SUPV3L1: variants seen among roughly 807,000 people sequenced by gnomAD.
SUPV3L1 encodes ATP-dependent RNA helicase SUPV3L1, mitochondrial.
A neutral mutation model predicts 70.0 loss-of-function variants in SUPV3L1; 35 were observed. The ratio of observed to expected loss-of-function variants is 0.50; its 90% confidence interval spans 0.38 to 0.66. The LOEUF (loss-of-function observed/expected upper bound fraction) is 0.66. Among genes scored for constraint, SUPV3L1 ranks in the 30% least tolerant of loss-of-function variants. The pLI, the probability that SUPV3L1 is intolerant of heterozygous loss-of-function variation, is 0.00. For missense variants in SUPV3L1, 777 were observed against 961.5 expected (o/e 0.81, Z 2.54); for synonymous variants, 364 against 341.9 (o/e 1.06, Z -0.71).
intron 5 of SUPV3L1, 129 bp from the exon 6 acceptor site, chr10:69,191,526 C>T (rs921704777): frequency 9.6e-6 from 7 of 730,472 alleles, no homozygotes; most frequent in South Asian, 5.1e-5. Context: ...CGTGTCTGGC[C>T]GTGGGAACAT....
chr10:69,205,241 G>A (rs7091695), intron 13 of SUPV3L1, among the ~76,000 whole-genome samples: 131,824 of 152,278 alleles, frequency 0.87, 57,343 homozygotes, highest in Non-Finnish European at 0.91. Flanking sequence ...GAACAGTCTT[G>A]AACTGCTGTA....
At chr10:69,197,460 GAC>G (rs748038043) in intron 8 of SUPV3L1, among the ~76,000 whole-genome samples, 13 of 152,222 alleles carry the variant, frequency 8.5e-5, no homozygotes, top group Non-Finnish European at 1.8e-4. Flanking sequence ...CTAATTGCCA[GAC>G]ACAGTTTATA....
chr10:69,202,489 T>C lies in SUPV3L1; in HGVS notation c.1569T>C (p.His523=). 1 of 1,613,612 alleles carries C rather than the reference T, an allele frequency of 6.2e-7. No homozygotes were observed. Among genetic ancestry groups the C allele is most frequent in the South Asian group, 1.1e-5 (1 of 91,010 alleles). Residue 523 remains histidine, a synonymous_variant, in exon 12 of 15, where the codon CAT becomes CAC. Coordinates refer to ENST00000359655, the MANE Select transcript of SUPV3L1 (RefSeq NM_003171.5). ...AGCAGATTGAAATGTTTGCCTACCA[T>C]CTCCCTGATGCAACACTGTCCAATC... is the stretch of plus-strand genomic sequence containing the variant. ...TAEQIEMFAY[H]LPDATLSNLI... is the part of the protein sequence containing the mutation.
chr10:69,205,291 C>G (rs990922316), intron 13 of SUPV3L1, among the ~76,000 whole-genome samples: 2 of 152,202 alleles, frequency 1.3e-5, no homozygotes. Context: ...GCCTTGGCAC[C>G]ATTCACACCA....
At chr10:69,190,637 C>T (rs1367580646) in intron 5 of SUPV3L1, among the ~76,000 whole-genome samples, 9 of 152,216 alleles carry the variant, frequency 5.9e-5, no homozygotes, top group Admixed American at 3.3e-4. Context: ...CCCCATCCTC[C>T]ACCCCTCCAG....
At chr10:69,198,747 TGTTA>T (rs1306847258) in intron 9 of SUPV3L1, among the ~76,000 whole-genome samples, 195 bp downstream of exon 9, 10 of 152,232 alleles carry the variant, frequency 6.6e-5, no homozygotes, top group Admixed American at 6.5e-5. Context: ...TTATAGTTCT[TGTTA>T]GTTGCTGCTA....
intron 5 of SUPV3L1, among the ~76,000 whole-genome samples, chr10:69,191,311 C>A (rs2132279688): frequency 6.8e-6 from 1 of 146,410 alleles, no homozygotes; most frequent in Non-Finnish European, 1.5e-5. Flanking sequence ...GCTCACTGAA[C>A]CTCCATCTCT....
intron 7 of SUPV3L1, among the ~76,000 whole-genome samples, chr10:69,196,744 CA>C (rs1393475885): frequency 1.3e-5 from 2 of 152,108 alleles, no homozygotes; most frequent in South Asian, 4.1e-4. Flanking sequence ...TGGCTCATTT[CA>C]CTCTGATAGA....
intron 13 of SUPV3L1, 59 bp downstream of exon 13, chr10:69,203,102 C>T: frequency 6.6e-7 from 1 of 1,507,966 alleles, no homozygotes; most frequent in Non-Finnish European, 9.0e-7. Flanking sequence ...GTTCCCCAAA[C>T]AGTACTTTGT....
rs1303013941 is a variant in SUPV3L1, at chr10:69,185,981, T to G, written c.272-6T>G. 2 of 1,605,256 alleles carry G rather than the reference T, an allele frequency of 1.2e-6. No homozygotes were observed. The highest frequency in any genetic ancestry group is 1.7e-5 in the Admixed American group (1 of 58,762). On this transcript the variant is annotated splice_region_variant and splice_polypyrimidine_tract_variant and intron_variant, in intron 1 of 14. Coordinates refer to ENST00000359655, the MANE Select transcript of SUPV3L1 (RefSeq NM_003171.5). ...GAAACGTTAAATTTTGACATCTCTC[T>G]TCTAGATGAAGTAAAGAAGGTCTTA...
chr10:69,208,078 A>C (rs752305800), intron 14 of SUPV3L1, 137 bp downstream of exon 14: 1 of 1,104,238 alleles, frequency 9.1e-7, no homozygotes. Context: ...CATAAAGGCA[A>C]TTCAACTGAT....
rs893852544 is a variant in SUPV3L1, at chr10:69,182,109, C to T, written c.271+1547C>T. Among the ~76,000 whole-genome samples, 7 of 151,740 alleles carry T rather than the reference C, an allele frequency of 4.6e-5. No homozygotes were observed. The East Asian group carries it at 1.3e-3, about 29-fold the overall frequency. ...TCCCAGACTCAAGCAATCCTCCTGGCTCAGCCTTCTAAGTAGCTAGGAATA... is the reference window on the plus strand; with the variant it reads ...TCCCAGACTCAAGCAATCCTCCTGGTTCAGCCTTCTAAGTAGCTAGGAATA... On this transcript the variant is annotated intron_variant, in intron 1 of 14. Transcript: ENST00000359655.
At chr10:69,199,963 G>GC (rs761100505) in intron 10 of SUPV3L1, among the ~76,000 whole-genome samples, 2 of 152,058 alleles carry the variant, frequency 1.3e-5, no homozygotes, top group South Asian at 2.1e-4. Flanking sequence ...TTGTGCCTCA[G>GC]CCCCCCGAGT....
intron 5 of SUPV3L1, among the ~76,000 whole-genome samples, chr10:69,190,765 G>T (rs1314005152): frequency 6.6e-6 from 1 of 152,204 alleles, no homozygotes; most frequent in African/African-American, 2.4e-5. Context: ...GAAGACTATA[G>T]GTCAGTTGTG....
intron 4 of SUPV3L1, 97 bp from the exon 5 acceptor site, chr10:69,189,170 A>T: frequency 2.3e-6 from 3 of 1,300,490 alleles, no homozygotes; most frequent in Non-Finnish European, 3.1e-6. Flanking sequence ...TGTGAACATT[A>T]AGAGGATATT....
chr10:69,181,699 C>T (rs1010341973), intron 1 of SUPV3L1, among the ~76,000 whole-genome samples: 1 of 152,156 alleles, frequency 6.6e-6, no homozygotes, highest in Non-Finnish European at 1.5e-5. Flanking sequence ...GCAAATGAGC[C>T]TGTGAGACAG....
At chr10:69,202,655 A>T (rs910762963) in intron 12 of SUPV3L1, 136 bp downstream of exon 12, 2 of 1,121,056 alleles carry the variant, frequency 1.8e-6, no homozygotes, top group African/African-American at 1.6e-5. Context: ...ACAAGTGAAA[A>T]TTTTTTCTCA....
rs34596380 is a variant in SUPV3L1 at position 69,180,379 on chromosome 10, C to T, written c.88C>T (p.Pro30Ser). 10 of 1,614,140 alleles carry T rather than the reference C, an allele frequency of 6.2e-6. No individual in the cohort carries two copies. Among genetic ancestry groups the T allele is most frequent in the Middle Eastern group, 1.6e-4 (1 of 6,084 alleles). Reference sequence around the variant, plus strand: ...GGCAGCCATCTGCTCTGCCCTTCGTCCCCACTTTGGGCCCTTTCCCGGGGT... The same window carrying T: ...GGCAGCCATCTGCTCTGCCCTTCGTTCCCACTTTGGGCCCTTTCCCGGGGT... ...HRAAICSALR[P>S]HFGPFPGVLG... is the part of the protein sequence containing the mutation. Residue 30 changes from proline to serine, a missense_variant, in exon 1 of 15, where the codon CCC becomes TCC. By Grantham distance (74) the Pro-to-Ser change is moderately conservative. Coordinates refer to ENST00000359655, the MANE Select transcript of SUPV3L1 (RefSeq NM_003171.5).
rs201680876 is a variant in SUPV3L1 at position 69,202,535 on chromosome 10, C to T, written c.1599+16C>T. The stretch of plus-strand genomic sequence containing the variant: ...CAATCTCATTGTAAGTGGAAACTCC[C>T]TTTCACATCTCCCCTAAAAATGTTG... On this transcript the variant is annotated intron_variant, in intron 12 of 14. Coordinates refer to ENST00000359655, the MANE Select transcript of SUPV3L1 (RefSeq NM_003171.5). 14 of 1,605,070 alleles carry T rather than the reference C, an allele frequency of 8.7e-6. No individual in the cohort carries two copies. Among genetic ancestry groups the T allele is most frequent in the Non-Finnish European group, 1.1e-5 (13 of 1,173,714 alleles).
Sources: allele counts gnomAD v4.1 joint callset (sites outside exome capture counted in the v4.1 genomes callset), GRCh38; gene constraint gnomAD v4.1.1; transcripts MANE v1.5; gene names NCBI Gene and HGNC (gene_info 2026-07-23, HGNC 2026-07-21).